ZC3H14: variants seen among roughly 807,000 people sequenced by gnomAD.
ZC3H14 encodes the protein zinc finger CCCH domain-containing protein 14.
ZC3H14 carries 31 observed loss-of-function variants against 92.4 expected under a neutral mutation model. That is an observed-to-expected ratio of 0.34 (90% CI 0.25 to 0.45). The LOEUF is 0.45. Among genes scored for constraint, ZC3H14 ranks in the 20% least tolerant of loss-of-function variants. The probability of loss-of-function intolerance (pLI) is 1.00; values close to 1 mark genes in which losing one functional copy is unlikely to be tolerated. For synonymous variants in ZC3H14, 321 were observed against 300.9 expected, an observed-to-expected ratio of 1.07 and a Z score of -0.69; for missense variants, 781 against 897.3, an observed-to-expected ratio of 0.87 and a Z score of 1.66.
At position 88,620,608 on chromosome 14, in the gene ZC3H14, A is replaced by G; in HGVS notation, c.*8857A>G. The G allele has an allele frequency of 1.6e-6, 1 of 642,936 alleles. No homozygotes were observed. Among genetic ancestry groups the G allele is most frequent in the South Asian group, 3.5e-5 (1 of 28,804 alleles). The allele number at this position is 642,936 out of a possible 1,614,324, so 39.8% of individuals were successfully genotyped here. ...GCAAGAAGAATTAAGTAGTATACAA[A>G]CAGCCATATTTTAGCATACAATTTA... is the stretch of plus-strand genomic sequence containing the variant. On this transcript the variant is annotated 3_prime_UTR_variant, in exon 17 of 17. Coordinates refer to ENST00000251038, the MANE Select transcript of ZC3H14 (RefSeq NM_024824.5). The surrounding 1 kb of genome is among the most constrained non-coding windows in gnomAD (Gnocchi z 4.3).
At chr14:88,571,042 C>CT in intron 3 of ZC3H14, 42 bp from the exon 4 acceptor site, 3 of 1,473,094 alleles carry the variant, frequency 2.0e-6, no homozygotes, top group Non-Finnish European at 2.7e-6. Flanking sequence ...TGAAATCTTT[C>CT]TTAACAGAAG....
At chr14:88,608,337 G>A in intron 13 of ZC3H14, 1 of 458,600 alleles carries the variant, frequency 2.2e-6, no homozygotes, top group Non-Finnish European at 4.3e-6. Context: ...CATCCTGCAA[G>A]TGAATACCAT....
At chr14:88,587,387 A>G (rs538168048) in intron 9 of ZC3H14, among the ~76,000 whole-genome samples, 3 of 152,152 alleles carry the variant, frequency 2.0e-5, no homozygotes, top group South Asian at 2.1e-4. Flanking sequence ...GCTGGTCTCA[A>G]ACTCCTGAGC....
rs918274002 is a variant in ZC3H14, at chr14:88,617,542, G to A, written c.*5791G>A. ...CCAACATTTTGGGAGGCTGAGGCAGGAGGACTGCTTGAGGCCAAGAGTTTG... is the reference window on the plus strand; with the variant it reads ...CCAACATTTTGGGAGGCTGAGGCAGAAGGACTGCTTGAGGCCAAGAGTTTG... On this transcript the variant is annotated 3_prime_UTR_variant, in exon 17 of 17. Coordinates refer to ENST00000251038, the MANE Select transcript of ZC3H14 (RefSeq NM_024824.5). The A allele has an allele frequency of 6.6e-6, 1 of 152,442 alleles. No individual in the cohort carries two copies. The highest frequency in any genetic ancestry group is 2.4e-5 in the African/African-American group (1 of 41,454). 9.4% of individuals were successfully genotyped at this position (152,442 alleles called of 1,614,324 possible). A position where few individuals can be genotyped will look rare whatever the true frequency, so the allele number is the denominator to read the frequency against.
chr14:88,571,083 G>A lies in ZC3H14; in HGVS notation c.195-1G>A. On this transcript the variant is annotated splice_acceptor_variant, in intron 3 of 16. Coordinates refer to ENST00000251038, the MANE Select transcript of ZC3H14 (RefSeq NM_024824.5). LOFTEE classifies it high-confidence loss of function. Reference sequence around the variant, plus strand: ...TTTTTGTTTTTTGTTTTTTTCCTCAGGCTTCATGGTGTATTAGATAAACTT... The same window carrying A: ...TTTTTGTTTTTTGTTTTTTTCCTCAAGCTTCATGGTGTATTAGATAAACTT... The A allele has an allele frequency of 1.9e-6, 3 of 1,552,114 alleles. No individual in the cohort carries two copies. Among genetic ancestry groups the A allele is most frequent in the Non-Finnish European group, 2.6e-6 (3 of 1,148,058 alleles).
In ZC3H14 at chr14:88,626,997, T is replaced by G. The variant is rs2090018844; in HGVS notation, c.*15246T>G. On this transcript the variant is annotated 3_prime_UTR_variant, in exon 17 of 17. Coordinates refer to ENST00000251038, the MANE Select transcript of ZC3H14 (RefSeq NM_024824.5). Reference sequence around the variant, plus strand: ...GGGTATCTGAATCTGGTCGGAATTCTGCCACAAAAATACGTTGATTGTGAC... The same window carrying G: ...GGGTATCTGAATCTGGTCGGAATTCGGCCACAAAAATACGTTGATTGTGAC... 1.9e-6 allele frequency: 3 copies of G among 1,613,868 alleles called. No homozygotes were observed. The highest frequency in any genetic ancestry group is 1.3e-5 in the African/African-American group (1 of 74,924).
At position 88,622,547 on chromosome 14, in the gene ZC3H14, C is replaced by A; in HGVS notation, c.*10796C>A. 3.0e-6 allele frequency: 4 copies of A among 1,352,166 alleles called. No individual in the cohort carries two copies. Among genetic ancestry groups the A allele is most frequent in the African/African-American group, 1.5e-5 (1 of 67,810 alleles). 83.8% of individuals were successfully genotyped at this position (1,352,166 alleles called of 1,614,324 possible). ...TAGGCTGCAAAGGGTGAGGGAATCA[C>A]AGTAATAACCACTTTCTGTTTTCTG... is the stretch of plus-strand genomic sequence containing the variant. On this transcript the variant is annotated 3_prime_UTR_variant, in exon 17 of 17. Coordinates refer to ENST00000251038, the MANE Select transcript of ZC3H14 (RefSeq NM_024824.5).
At chr14:88,583,986 A>T (rs1047515393) in intron 9 of ZC3H14, among the ~76,000 whole-genome samples, 1 of 152,140 alleles carries the variant, frequency 6.6e-6, no homozygotes, top group Non-Finnish European at 1.5e-5. Context: ...GCTGTTATAT[A>T]CTATTAGGTG....
chr14:88,571,133 C>G lies in ZC3H14; in HGVS notation c.235+9C>G, dbSNP rs1250550440. ...TCGCTCTGTTACAACTGGTAAGATTCATAACTTTTTTTTTTAATTTCTGCT... is the reference window on the plus strand; with the variant it reads ...TCGCTCTGTTACAACTGGTAAGATTGATAACTTTTTTTTTTAATTTCTGCT... On this transcript the variant is annotated intron_variant, in intron 4 of 16. Coordinates refer to ENST00000251038, the MANE Select transcript of ZC3H14 (RefSeq NM_024824.5). The G allele has an allele frequency of 6.6e-7, 1 of 1,520,446 alleles. No individual in the cohort carries two copies. The highest frequency in any genetic ancestry group is 8.9e-7 in the Non-Finnish European group (1 of 1,124,374). The allele number at this position is 1,520,446 out of a possible 1,614,324, so 94.2% of individuals were successfully genotyped here. A position where few individuals can be genotyped will look rare whatever the true frequency, so the allele number is the denominator to read the frequency against.
Position 88,616,062 on chromosome 14 carries a change from C to CAA in ZC3H14, c.*4311_*4312insAA. The CAA allele has an allele frequency of 6.7e-7, 1 of 1,488,638 alleles. No individual in the cohort carries two copies. The highest frequency in any genetic ancestry group is 9.3e-7 in the Non-Finnish European group (1 of 1,069,546). 92.2% of individuals were successfully genotyped at this position (1,488,638 alleles called of 1,614,324 possible). ...AATGTTGACTAGCTGATTTCATAAA[C>CAA]CAAAGCTGTAGGAGTTGTTGTATTA... On this transcript the variant is annotated 3_prime_UTR_variant, in exon 17 of 17. Coordinates refer to ENST00000251038, the MANE Select transcript of ZC3H14 (RefSeq NM_024824.5).
intron 1 of ZC3H14, 23 bp downstream of exon 1, chr14:88,563,192 G>A: frequency 6.2e-7 from 1 of 1,601,984 alleles, no homozygotes; most frequent in Non-Finnish European, 8.5e-7. Context: ...CCGGTCGGGG[G>A]TGGGAAGCCA....
At chr14:88,576,042 C>T (rs2081115663) in intron 8 of ZC3H14, 102 bp downstream of exon 8, 1 of 1,047,938 alleles carries the variant, frequency 9.5e-7, no homozygotes, top group African/African-American at 1.6e-5. Context: ...AGGTGCCTGT[C>T]AGATGTCAAG....
Position 88,613,196 on chromosome 14 carries a change from G to A in ZC3H14, c.*1445G>A, listed in dbSNP as rs1255067532. 3 of 152,128 alleles carry A rather than the reference G, an allele frequency of 2.0e-5. No homozygotes were observed. The highest frequency in any genetic ancestry group is 7.2e-5 in the African/African-American group (3 of 41,424). The allele number at this position is 152,128 out of a possible 1,614,324, so 9.4% of individuals were successfully genotyped here. On this transcript the variant is annotated 3_prime_UTR_variant, in exon 17 of 17. Coordinates refer to ENST00000251038, the MANE Select transcript of ZC3H14 (RefSeq NM_024824.5). ...ATCCCACAGGAAAGGCTTGAAACAC[G>A]AGAAGCAGCAAAGACAGAGCACACA...
At chr14:88,582,512 C>G (rs934023212) in intron 9 of ZC3H14, among the ~76,000 whole-genome samples, 1 of 152,100 alleles carries the variant, frequency 6.6e-6, no homozygotes, top group Non-Finnish European at 1.5e-5. Context: ...TATAAAGAAC[C>G]TCTAGGCGTT....
rs1272383487 is a variant in ZC3H14 at position 88,616,105 on chromosome 14, CAT to C, written c.*4356_*4357del. On this transcript the variant is annotated 3_prime_UTR_variant, in exon 17 of 17. Transcript: ENST00000251038. The stretch of plus-strand genomic sequence containing the variant: ...TTGTATTAAGTCTCTTAACTAGTAA[CAT>C]AGTCTGCTCTTCATGGGCTGAGAAA... The C allele has an allele frequency of 1.3e-6, 2 of 1,598,452 alleles. No individual in the cohort carries two copies. The highest frequency in any genetic ancestry group is 1.7e-6 in the Non-Finnish European group (2 of 1,166,022).
chr14:88,578,158 G>A lies in ZC3H14; in HGVS notation c.1279+18G>A. 2 of 1,613,222 alleles carry A rather than the reference G, an allele frequency of 1.2e-6. No individual in the cohort carries two copies. Among genetic ancestry groups the A allele is most frequent in the South Asian group, 1.1e-5 (1 of 91,066 alleles). ...AAATCAAGGTAATAACTTAAATGAT[G>A]TTTCACTCTTTACTACAGTTTTTTC... On this transcript the variant is annotated intron_variant, in intron 9 of 16. Transcript: ENST00000251038.
At chr14:88,610,795 C>A (rs752541437) in intron 15 of ZC3H14, 39 bp from the exon 16 acceptor site, 3 of 1,563,172 alleles carry the variant, frequency 1.9e-6, no homozygotes, top group Non-Finnish European at 2.6e-6. Flanking sequence ...CTTATATTAG[C>A]CTTGTGGATA....
chr14:88,611,344 C>T (rs1045015423), intron 16 of ZC3H14, among the ~76,000 whole-genome samples: 4 of 152,016 alleles, frequency 2.6e-5, no homozygotes, highest in Admixed American at 1.3e-4. Context: ...ATCCTTCCAC[C>T]GTGGCCTTCC....
intron 10 of ZC3H14, among the ~76,000 whole-genome samples, chr14:88,600,607 A>G (rs762875119): frequency 5.7e-4 from 87 of 151,924 alleles, no homozygotes; most frequent in Non-Finnish European, 2.8e-4. Context: ...ACGCCTGGCT[A>G]ATTTTATTTA....
Sources: allele counts gnomAD v4.1 joint callset (sites outside exome capture counted in the v4.1 genomes callset), GRCh38; gene constraint gnomAD v4.1.1; non-coding constraint Gnocchi (gnomAD v3.1); transcripts MANE v1.5; gene names NCBI Gene and HGNC (gene_info 2026-07-23, HGNC 2026-07-21).